The following PPARA variants were observed in gnomAD, a reference collection of about 807,000 sequenced individuals.
PPARA encodes the protein peroxisome proliferator-activated receptor alpha.
Under a neutral mutation model 42.2 loss-of-function variants are expected in PPARA, and 22 were observed. The ratio of observed to expected loss-of-function variants is 0.52; its 90% CI spans 0.37 to 0.74. The LOEUF is 0.74. PPARA is among the 30% of genes least tolerant of loss of function. The pLI is 0.00. For missense variants in PPARA, 465 were observed against 608.2 expected (o/e 0.76, Z 2.48); for synonymous variants, 242 against 239.3 (o/e 1.01, Z -0.10).
At position 46,183,571 on chromosome 22, in the gene PPARA, G is replaced by T. The variant is rs1011257200; in HGVS notation, c.-43+6735G>T. Among the ~76,000 whole-genome samples the T allele has an allele frequency of 6.6e-6, 1 of 152,226 alleles. No individual in the cohort carries two copies. The highest frequency in any genetic ancestry group is 1.5e-5 in the Non-Finnish European group (1 of 68,016). On this transcript the variant is annotated intron_variant, in intron 3 of 8. Coordinates refer to ENST00000407236, the MANE Select transcript of PPARA (RefSeq NM_005036.6). This position sits in a 1 kb window ranked among gnomAD's most constrained non-coding sequence, Gnocchi z 5.5. ...AGCCTGGGCAACATGGCGAAACCCT[G>T]TCTATACAAAAAATAGAAAAATTAG...
intron 3 of PPARA, among the ~76,000 whole-genome samples, chr22:46,181,005 G>T (rs1321320255): frequency 6.6e-6 from 1 of 152,170 alleles, no homozygotes; most frequent in African/African-American, 2.4e-5. Context: ...TCCAGCAGGG[G>T]CTGGGGATGG....
rs762217058 is a variant in PPARA at position 46,203,407 on chromosome 22, C to T, written c.208+4816C>T. On this transcript the variant is annotated intron_variant, in intron 4 of 8. Transcript: ENST00000407236. The surrounding 1 kb of genome is among the most constrained non-coding windows in gnomAD (Gnocchi z 5.8). ...CCATTTTATCTCTGCTTTTTCTTCC[C>T]GGCTTTATTGCCATAATTGACATAC... is the stretch of plus-strand genomic sequence containing the variant. Among the ~76,000 whole-genome samples the T allele has an allele frequency of 4.6e-5, 7 of 152,114 alleles. No homozygotes were observed. The highest frequency in any genetic ancestry group is 1.2e-4 in the African/African-American group (5 of 41,406).
At position 46,156,210 on chromosome 22, in the gene PPARA, T is replaced by A. The variant is rs1169721083; in HGVS notation, c.-127+4240T>A. On this transcript the variant is annotated intron_variant, in intron 2 of 8. Transcript: ENST00000407236. This position sits in a 1 kb window ranked among gnomAD's most constrained non-coding sequence, Gnocchi z 5.2. ...AGTGGAAAAGGTATTAGGTCATTAATCATGAGATTTGGATTCTAGCCCCTT... is the reference window on the plus strand; with the variant it reads ...AGTGGAAAAGGTATTAGGTCATTAAACATGAGATTTGGATTCTAGCCCCTT... 1 of 152,232 alleles carries A rather than the reference T, an allele frequency of 6.6e-6. No individual in the cohort carries two copies. Among genetic ancestry groups the A allele is most frequent in the Non-Finnish European group, 1.5e-5 (1 of 68,054 alleles). The allele number at this position is 152,232 out of a possible 1,614,324, so 9.4% of individuals were successfully genotyped here.
chr22:46,243,692 G>C lies in PPARA; in HGVS notation c.*8312G>C, dbSNP rs1490576723. On this transcript the variant is annotated 3_prime_UTR_variant, in exon 9 of 9. Transcript: ENST00000407236. This position sits in a 1 kb window ranked among gnomAD's most constrained non-coding sequence, Gnocchi z 5.0. Reference sequence around the variant, plus strand: ...CTACTGTAAGACTGATGAATGTACAGAGTTAATTTCAGGGTACAGTTTTGC... The same window carrying C: ...CTACTGTAAGACTGATGAATGTACACAGTTAATTTCAGGGTACAGTTTTGC... 2.6e-5 allele frequency: 4 copies of C among 152,490 alleles called. No individual in the cohort carries two copies. Among genetic ancestry groups the C allele is most frequent in the African/African-American group, 4.8e-5 (2 of 41,428 alleles). The allele number at this position is 152,490 out of a possible 1,614,324, so 9.4% of individuals were successfully genotyped here.
Position 46,163,741 on chromosome 22 carries a change from G to A in PPARA, c.-127+11771G>A. Reference sequence around the variant, plus strand: ...CTGCCCGGGGCTCCTGGGCCCCGCTGCATCAAGTGAAAGCAGGGCTGGCTC... The same window carrying A: ...CTGCCCGGGGCTCCTGGGCCCCGCTACATCAAGTGAAAGCAGGGCTGGCTC... On this transcript the variant is annotated intron_variant, in intron 2 of 8. Transcript: ENST00000407236. This position sits in a 1 kb window ranked among gnomAD's most constrained non-coding sequence, Gnocchi z 4.9. The A allele has an allele frequency of 6.6e-6, 1 of 152,372 alleles. No individual in the cohort carries two copies. The highest frequency in any genetic ancestry group is 1.5e-5 in the Non-Finnish European group (1 of 68,048). The allele number at this position is 152,372 out of a possible 1,614,324, so 9.4% of individuals were successfully genotyped here.
In PPARA at chr22:46,231,750, C is replaced by T. The variant is rs750658249; in HGVS notation, c.712-42C>T. On this transcript the variant is annotated intron_variant, in intron 7 of 8. Coordinates refer to ENST00000407236, the MANE Select transcript of PPARA (RefSeq NM_005036.6). This position sits in a 1 kb window ranked among gnomAD's most constrained non-coding sequence, Gnocchi z 7.7. ...TGAGCTGATAGCTGGGAGCATAGCG[C>T]ATCCCACATCACCTGACTTACCTTG... 8.9e-6 allele frequency: 14 copies of T among 1,568,274 alleles called. No homozygotes were observed. The highest frequency in any genetic ancestry group is 3.4e-5 in the South Asian group (3 of 88,522).
chr22:46,188,445 G>A lies in PPARA; in HGVS notation c.-42-9897G>A, dbSNP rs1183048837. ...TCATCTTGGGTGTCCCTTCCTGTAT[G>A]TAGGCTCCCTGGCCCTCCAGGATTC... On this transcript the variant is annotated intron_variant, in intron 3 of 8. Coordinates refer to ENST00000407236, the MANE Select transcript of PPARA (RefSeq NM_005036.6). This position sits in a 1 kb window ranked among gnomAD's most constrained non-coding sequence, Gnocchi z 5.0. Among the ~76,000 whole-genome samples, 1 of 152,084 alleles carries A rather than the reference G, an allele frequency of 6.6e-6. No homozygotes were observed. The highest frequency in any genetic ancestry group is 1.5e-5 in the Non-Finnish European group (1 of 68,022).
rs1931648920 is a variant in PPARA, at chr22:46,192,122, C to T, written c.-42-6220C>T. 6.6e-6 allele frequency among the ~76,000 whole-genome samples: 1 copy of T among 152,152 alleles called. No individual in the cohort carries two copies. The highest frequency in any genetic ancestry group is 1.5e-5 in the Non-Finnish European group (1 of 68,014). Reference sequence around the variant, plus strand: ...CACCTGCTACACAGCAGGGATTGTGCTAGAAGTATGGATGCAAAGATTAGG... The same window carrying T: ...CACCTGCTACACAGCAGGGATTGTGTTAGAAGTATGGATGCAAAGATTAGG... On this transcript the variant is annotated intron_variant, in intron 3 of 8. Coordinates refer to ENST00000407236, the MANE Select transcript of PPARA (RefSeq NM_005036.6). This position sits in a 1 kb window ranked among gnomAD's most constrained non-coding sequence, Gnocchi z 4.3.
rs1219843741 is a variant in PPARA at position 46,184,518 on chromosome 22, G to A, written c.-43+7682G>A. Among the ~76,000 whole-genome samples, 1 of 152,172 alleles carries A rather than the reference G, an allele frequency of 6.6e-6. No individual in the cohort carries two copies. Among genetic ancestry groups the A allele is most frequent in the East Asian group, 1.9e-4 (1 of 5,192 alleles). ...AGCCAGTTTCCTCCCATATTTAGAA[G>A]GTTTCCAACTGTTATCTTTCACTTC... On this transcript the variant is annotated intron_variant, in intron 3 of 8. Coordinates refer to ENST00000407236, the MANE Select transcript of PPARA (RefSeq NM_005036.6). This position sits in a 1 kb window ranked among gnomAD's most constrained non-coding sequence, Gnocchi z 4.4.
rs1436742837 is a variant in PPARA, at chr22:46,173,816, G to T, written c.-126-2937G>T. Among the ~76,000 whole-genome samples the T allele has an allele frequency of 6.6e-6, 1 of 152,156 alleles. No individual in the cohort carries two copies. The highest frequency in any genetic ancestry group is 2.4e-5 in the African/African-American group (1 of 41,432). ...GAGCACACTGCCATTCTTAGCAAAC[G>T]TGTAGTTTAGTATTTAGGAGAAAGG... On this transcript the variant is annotated intron_variant, in intron 2 of 8. Transcript: ENST00000407236. The surrounding 1 kb of genome is among the most constrained non-coding windows in gnomAD (Gnocchi z 4.3).
intron 2 of PPARA, among the ~76,000 whole-genome samples, chr22:46,168,351 C>CAAAAAAAAAAAAAAAAAAAA (rs35345592): frequency 7.0e-5 from 1 of 14,382 alleles, no homozygotes; most frequent in Non-Finnish European, 1.4e-4. Context: ...GACTCCATCT[C>CAAAAAAAAAAAAAAAAAAAA]AAAAAAAAAA....
At chr22:46,198,624 A>G in intron 4 of PPARA, 33 bp downstream of exon 4, 1 of 1,530,540 alleles carries the variant, frequency 6.5e-7, no homozygotes, top group East Asian at 2.3e-5. Flanking sequence ...AGTTTTATTT[A>G]GAAATGTTTC....
rs1929858051 is a variant in PPARA, at chr22:46,180,891, G to A, written c.-43+4055G>A. ...GGTCGAGGGAGACCTGGGACCTTTG[G>A]TGCCAATGGGAGGACTTTAGCCCGG... On this transcript the variant is annotated intron_variant, in intron 3 of 8. Transcript: ENST00000407236. The surrounding 1 kb of genome is among the most constrained non-coding windows in gnomAD (Gnocchi z 4.2). Among the ~76,000 whole-genome samples the A allele has an allele frequency of 6.6e-6, 1 of 152,150 alleles. No homozygotes were observed. The highest frequency in any genetic ancestry group is 6.5e-5 in the Admixed American group (1 of 15,272).
intron 2 of PPARA, among the ~76,000 whole-genome samples, chr22:46,157,735 G>A (rs1601594354): frequency 6.6e-6 from 1 of 152,056 alleles, no homozygotes; most frequent in Non-Finnish European, 1.5e-5. Context: ...ATTTAACAAG[G>A]TGAGGGTCCT....
rs2100001191 is a variant in PPARA at position 46,233,756 on chromosome 22, GAT to G, written c.1160-1372_1160-1371del. 6.6e-6 allele frequency among the ~76,000 whole-genome samples: 1 copy of G among 151,912 alleles called. No homozygotes were observed. The highest frequency in any genetic ancestry group is 2.4e-5 in the African/African-American group (1 of 41,366). ...ATGTATATAGAAAAATGTCCAGTGA[GAT>G]ATATGTTAAACCTATTATGGTGGGA... On this transcript the variant is annotated intron_variant, in intron 8 of 8. Transcript: ENST00000407236. This position sits in a 1 kb window ranked among gnomAD's most constrained non-coding sequence, Gnocchi z 7.3.
rs1210016973 is a variant in PPARA at position 46,167,273 on chromosome 22, T to G, written c.-126-9480T>G. On this transcript the variant is annotated intron_variant, in intron 2 of 8. Coordinates refer to ENST00000407236, the MANE Select transcript of PPARA (RefSeq NM_005036.6). This position sits in a 1 kb window ranked among gnomAD's most constrained non-coding sequence, Gnocchi z 4.1. ...TTATGTAATAATAGTATATATCATG[T>G]TACATATTATATTATGTAATATATA... Among the ~76,000 whole-genome samples the G allele has an allele frequency of 2.0e-5, 3 of 150,912 alleles. No homozygotes were observed. Among genetic ancestry groups the G allele is most frequent in the Non-Finnish European group, 4.4e-5 (3 of 67,820 alleles).
rs1936138887 is a variant in PPARA at position 46,235,204 on chromosome 22, C to T, written c.1231C>T (p.His411Tyr). 5.0e-6 allele frequency: 8 copies of T among 1,614,082 alleles called. No homozygotes were observed. The highest frequency in any genetic ancestry group is 6.8e-6 in the Non-Finnish European group (8 of 1,179,982). ...GGGTATTGTACATGTGCTCAGACTC[C>T]ACCTGCAGAGCAACCACCCGGACGA... ...QEGIVHVLRL[H>Y]LQSNHPDDIF... The change falls in exon 9 of 9, where the codon CAC (histidine) becomes TAC (tyrosine). Residue 411 changes from histidine to tyrosine, a missense_variant. Physicochemically the swap from His to Tyr is moderately conservative, Grantham distance 83 (BLOSUM62 2). This residue lies in a region of PPARA where 313 missense variants were observed against 469.1 expected (regional missense o/e 0.67). Transcript: ENST00000407236. This position sits in a 1 kb window ranked among gnomAD's most constrained non-coding sequence, Gnocchi z 7.0.
Position 46,163,544 on chromosome 22 carries a change from C to G in PPARA, c.-127+11574C>G, listed in dbSNP as rs1291880431. Reference sequence around the variant, plus strand: ...AGAGCAGGCTCCTGGCTGTGGCGAGCTTGACTCCATTTGGTTTGATAGAAA... The same window carrying G: ...AGAGCAGGCTCCTGGCTGTGGCGAGGTTGACTCCATTTGGTTTGATAGAAA... On this transcript the variant is annotated intron_variant, in intron 2 of 8. Coordinates refer to ENST00000407236, the MANE Select transcript of PPARA (RefSeq NM_005036.6). The surrounding 1 kb of genome is among the most constrained non-coding windows in gnomAD (Gnocchi z 4.9). The G allele has an allele frequency of 3.3e-5, 5 of 152,220 alleles. No homozygotes were observed. Among genetic ancestry groups the G allele is most frequent in the African/African-American group, 1.2e-4 (5 of 41,460 alleles). The allele number at this position is 152,220 out of a possible 1,614,324, so 9.4% of individuals were successfully genotyped here.
rs1257373276 is a variant in PPARA at position 46,200,690 on chromosome 22, C to T, written c.208+2099C>T. On this transcript the variant is annotated intron_variant, in intron 4 of 8. Transcript: ENST00000407236. This position sits in a 1 kb window ranked among gnomAD's most constrained non-coding sequence, Gnocchi z 4.8. The stretch of plus-strand genomic sequence containing the variant: ...CAACACTTTGGGAGGCTGAGGCAGG[C>T]GGATCACCCGAGGTCAGGAGTTCAA... 5.9e-5 allele frequency among the ~76,000 whole-genome samples: 9 copies of T among 152,084 alleles called. No individual in the cohort carries two copies. The highest frequency in any genetic ancestry group is 5.2e-4 in the Admixed American group (8 of 15,252).
Sources: allele counts gnomAD v4.1 joint callset (sites outside exome capture counted in the v4.1 genomes callset), GRCh38; gene constraint gnomAD v4.1.1; regional missense constraint gnomAD v4.1.1; non-coding constraint Gnocchi (gnomAD v3.1); transcripts MANE v1.5; gene names NCBI Gene and HGNC (gene_info 2026-07-23, HGNC 2026-07-21).